Variants in FRMPD4 observed in about 807,000 individuals in gnomAD.
FRMPD4 encodes the protein FERM and PDZ domain containing 4.
In FRMPD4, 22 loss-of-function variants were observed where a neutral mutation model predicts 94.1. That is an observed-to-expected ratio of 0.23 (90% CI 0.17 to 0.33). FRMPD4 has a LOEUF of 0.33. Among genes scored for constraint, FRMPD4 ranks in the 10% least tolerant of loss-of-function variants. The pLI is 1.00. For missense variants in FRMPD4, 1,111 were observed against 1,339.9 expected (o/e 0.83, Z 2.67); for synonymous variants, 631 against 548.6 (o/e 1.15, Z -2.10).
chrX:12,002,027 GAC>G (rs1207098589), intron 3 of FRMPD4, among the ~76,000 whole-genome samples: 36 of 111,637 alleles, frequency 3.2e-4, no homozygotes, highest in Non-Finnish European at 5.6e-5. Flanking sequence ...AGCATTCATT[GAC>G]ACACAAAGCT....
chrX:12,578,017 C>T (rs781325189), intron 2 of FRMPD4, among the ~76,000 whole-genome samples: 4 of 112,850 alleles, frequency 3.5e-5, no homozygotes, highest in Non-Finnish European at 7.5e-5. Context: ...TTGCAGATAG[C>T]TGCCTTCTTG....
chrX:11,928,732 C>T (rs1389336808), intron 3 of FRMPD4, among the ~76,000 whole-genome samples: 2 of 112,560 alleles, frequency 1.8e-5, no homozygotes, highest in Non-Finnish European at 3.8e-5. Context: ...GACAGAAATG[C>T]CATTCAACCC....
At chrX:12,648,511 C>T (rs1384799309) in intron 4 of FRMPD4, among the ~76,000 whole-genome samples, 2 of 111,878 alleles carry the variant, frequency 1.8e-5, no homozygotes, top group Non-Finnish European at 3.8e-5. Context: ...TATCTGTAGT[C>T]GCTCTGCTTT....
chrX:11,891,736 T>C (rs2053874873), intron 3 of FRMPD4, among the ~76,000 whole-genome samples: 1 of 112,216 alleles, frequency 8.9e-6, no homozygotes. Flanking sequence ...TATCTCCTCA[T>C]AGGGTTGCTG....
intron 3 of FRMPD4, among the ~76,000 whole-genome samples, chrX:11,969,383 C>T (rs1360063244): frequency 1.8e-5 from 2 of 112,198 alleles, no homozygotes; most frequent in Non-Finnish European, 3.8e-5. Flanking sequence ...GAGAACATTG[C>T]AGATGGGCAT....
intron 1 of FRMPD4, among the ~76,000 whole-genome samples, chrX:12,201,087 C>T (rs1386159395): frequency 8.9e-6 from 1 of 112,227 alleles, no homozygotes; most frequent in Non-Finnish European, 1.9e-5. Context: ...GATGGGTTCT[C>T]AAGTGGAGAG....
chrX:12,541,710 G>A (rs373026449), intron 2 of FRMPD4, among the ~76,000 whole-genome samples: 5 of 111,917 alleles, frequency 4.5e-5, no homozygotes, highest in Non-Finnish European at 7.5e-5. Context: ...AATCAATAGA[G>A]AAAGAGGGAA....
At chrX:11,875,508 A>G (rs1461711763) in intron 2 of FRMPD4, among the ~76,000 whole-genome samples, 1 of 111,783 alleles carries the variant, frequency 8.9e-6, no homozygotes, top group Non-Finnish European at 1.9e-5. Context: ...CCCAAATTCC[A>G]GCTCTCAAGT....
chrX:12,719,740 T>C (rs896218008), intron 16 of FRMPD4, among the ~76,000 whole-genome samples: 2 of 111,579 alleles, frequency 1.8e-5, no homozygotes, highest in African/African-American at 6.5e-5. Context: ...TAAGTCACAC[T>C]GTTTAATCCT....
chrX:12,658,124 C>T (rs530323216), intron 4 of FRMPD4, among the ~76,000 whole-genome samples: 2 of 111,727 alleles, frequency 1.8e-5, no homozygotes, highest in South Asian at 7.6e-4. Flanking sequence ...ACCCCACAGT[C>T]AAATTCAGTC....
intron 1 of FRMPD4, among the ~76,000 whole-genome samples, chrX:12,432,058 C>T (rs900211146): frequency 2.7e-5 from 3 of 111,996 alleles, no homozygotes; most frequent in Admixed American, 9.4e-5. Flanking sequence ...AACTTTTGGG[C>T]AGCATTGAAC....
rs184389587 is a variant in FRMPD4, at chrX:12,652,519, A to T, written c.423-22344A>T. 2.9e-3 allele frequency among the ~76,000 whole-genome samples: 318 copies of T among 110,461 alleles called. 1 individual carries two copies. Among genetic ancestry groups the T allele is most frequent in the Middle Eastern group, 4.7e-3 (1 of 215 alleles). ...GAAACTCTGTACCCATTAAGCAATA[A>T]CTCCCCATTTCCCCTTCTCCAAGCC... On this transcript the variant is annotated intron_variant, in intron 4 of 16. Coordinates refer to ENST00000675598, the MANE Select transcript of FRMPD4 (RefSeq NM_001368397.1).
chrX:12,608,993 T>C (rs1403193192), intron 2 of FRMPD4, among the ~76,000 whole-genome samples: 1 of 112,619 alleles, frequency 8.9e-6, no homozygotes, highest in Non-Finnish European at 1.9e-5. Context: ...TGACCAGAAG[T>C]CTTACCAATA....
At chrX:12,628,694 G>A (rs2059369439) in intron 4 of FRMPD4, among the ~76,000 whole-genome samples, 1 of 112,534 alleles carries the variant, frequency 8.9e-6, no homozygotes, top group East Asian at 2.8e-4. Flanking sequence ...CCTTTCACAG[G>A]CAACTACAAG....
chrX:11,916,981 G>A (rs1184677139), intron 3 of FRMPD4, among the ~76,000 whole-genome samples: 1 of 111,696 alleles, frequency 9.0e-6, no homozygotes, highest in Non-Finnish European at 1.9e-5. Context: ...GCTGAGGCTG[G>A]GGCTGTACAA....
chrX:12,704,632 A>G, intron 11 of FRMPD4, 147 bp downstream of exon 11: 1 of 401,166 alleles, frequency 2.5e-6, no homozygotes, highest in Non-Finnish European at 4.3e-6. Flanking sequence ...AACTATTAAC[A>G]TGTTTCTAAC....
At chrX:12,246,121 A>G (rs961354131) in intron 1 of FRMPD4, among the ~76,000 whole-genome samples, 4 of 111,557 alleles carry the variant, frequency 3.6e-5, no homozygotes, top group Non-Finnish European at 3.8e-5. Flanking sequence ...TGTTTTGACA[A>G]CTAACCACTG....
intron 4 of FRMPD4, among the ~76,000 whole-genome samples, chrX:12,654,077 C>T (rs768304704): frequency 8.9e-6 from 1 of 112,028 alleles, no homozygotes; most frequent in Non-Finnish European, 1.9e-5. Flanking sequence ...AGCCAAAAAC[C>T]ATTAATTTAA....
Position 12,614,855 on chromosome X carries a change from C to A in FRMPD4, c.396C>A (p.Pro132=). ...ATGATGAACCGGTCAGCGCTGCACC[C>A]AGAGAGCGGGTCATCGATCTGGTCA... ...MINDEPVSAA[P]RERVIDLVRS... Residue 132 remains proline (P), a synonymous_variant, in exon 4 of 17, where the codon CCC becomes CCA. Coordinates refer to ENST00000675598, the MANE Select transcript of FRMPD4 (RefSeq NM_001368397.1). 8.6e-7 allele frequency: 1 copy of A among 1,165,973 alleles called. No homozygotes were observed. Among genetic ancestry groups the A allele is most frequent in the Non-Finnish European group, 1.2e-6 (1 of 854,904 alleles).
Sources: gnomAD v4.1 joint callset for allele counts (sites outside exome capture counted in the v4.1 genomes callset) on GRCh38, gnomAD v4.1.1 for gene constraint, MANE v1.5 for transcripts, NCBI Gene and HGNC (gene_info 2026-07-23, HGNC 2026-07-21) for gene names.